The following CTNNA2 variants were observed in gnomAD, a reference collection of about 807,000 sequenced individuals.
The protein encoded by CTNNA2 is catenin alpha 2.
A neutral mutation model predicts 101.0 loss-of-function variants in CTNNA2; 42 were observed. The observed-to-expected ratio is 0.42, with a 90% confidence interval of 0.32 to 0.54. The LOEUF (loss-of-function observed/expected upper bound fraction) is 0.54. CTNNA2 is among the 20% of genes least tolerant of loss of function. CTNNA2 has a pLI of 0.14. For synonymous variants in CTNNA2, 450 were observed against 456.4 expected (o/e 0.99, Z 0.18); for missense variants, 871 against 1,223.1 (o/e 0.71, Z 4.29).
intron 4 of CTNNA2, among the ~76,000 whole-genome samples, chr2:79,456,150 ATTAT>A (rs1443586253): frequency 6.6e-6 from 1 of 150,778 alleles, no homozygotes; most frequent in Non-Finnish European, 1.5e-5. Flanking sequence ...TATAATTTAA[ATTAT>A]TTAATAATTT....
At chr2:80,234,669 T>C (rs977964476) in intron 7 of CTNNA2, among the ~76,000 whole-genome samples, 2 of 152,154 alleles carry the variant, frequency 1.3e-5, no homozygotes, top group Non-Finnish European at 2.9e-5. Flanking sequence ...TGGAGGATAC[T>C]GCTGCAGTTG....
At chr2:79,317,258 C>T (rs532853616) in intron 3 of CTNNA2, among the ~76,000 whole-genome samples, 52 of 152,010 alleles carry the variant, frequency 3.4e-4, no homozygotes, top group Non-Finnish European at 4.4e-4. Context: ...GGGATAAATC[C>T]GACTTGATTA....
intron 7 of CTNNA2, among the ~76,000 whole-genome samples, chr2:80,037,466 A>G (rs1695744686): frequency 6.6e-6 from 1 of 152,222 alleles, no homozygotes; most frequent in African/African-American, 2.4e-5. Flanking sequence ...AAGGCAAGTG[A>G]TCCTTCTTTT....
At chr2:79,482,662 G>T (rs2104557464) in intron 4 of CTNNA2, among the ~76,000 whole-genome samples, 1 of 152,150 alleles carries the variant, frequency 6.6e-6, no homozygotes, top group Non-Finnish European at 1.5e-5. Flanking sequence ...ATTTTAAAAA[G>T]AATTTAGGTA....
Position 80,313,540 on chromosome 2 carries a change from G to A in CTNNA2, c.1057-79671G>A, listed in dbSNP as rs758659455. 14 of 1,608,672 alleles carry A rather than the reference G, an allele frequency of 8.7e-6. 1 individual carries two copies. In the Admixed American group the frequency reaches 2.2e-4, roughly 25 times the overall value. On this transcript the variant is annotated intron_variant, in intron 7 of 18. Transcript: ENST00000402739. ...AGCTAATTGAGCAAGACCAGGTAGAGGAAGGAAGACGAATTGACCAGATGG... is the reference window on the plus strand; with the variant it reads ...AGCTAATTGAGCAAGACCAGGTAGAAGAAGGAAGACGAATTGACCAGATGG...
chr2:79,812,513 T>C (rs1677126370), intron 3 of CTNNA2, among the ~76,000 whole-genome samples: 1 of 152,132 alleles, frequency 6.6e-6, no homozygotes, highest in South Asian at 2.1e-4. Context: ...TAAAAGGAAA[T>C]GTAAAAAATG....
intron 2 of CTNNA2, among the ~76,000 whole-genome samples, chr2:79,655,403 G>A (rs922907855): frequency 1.3e-5 from 2 of 152,182 alleles, no homozygotes; most frequent in African/African-American, 4.8e-5. Context: ...TTTATGAGAA[G>A]GATGTAAGTG....
intron 3 of CTNNA2, among the ~76,000 whole-genome samples, chr2:79,832,871 C>T (rs749136862): frequency 2.0e-5 from 3 of 152,176 alleles, no homozygotes; most frequent in Non-Finnish European, 4.4e-5. Flanking sequence ...TCTCCTTCGA[C>T]CATTGTGTTT....
At chr2:80,635,925 G>C (rs1234155593) in intron 18 of CTNNA2, among the ~76,000 whole-genome samples, 1 of 150,482 alleles carries the variant, frequency 6.6e-6, no homozygotes, top group Admixed American at 6.6e-5. Flanking sequence ...TTCTAGAAAG[G>C]GCTTAGAGTA....
intron 7 of CTNNA2, among the ~76,000 whole-genome samples, chr2:80,040,737 G>T (rs3849388): frequency 0.52 from 78,617 of 152,052 alleles, 21,902 homozygotes; most frequent in African/African-American, 0.71. Flanking sequence ...CTTTTCCCTA[G>T]GCTACGAAGA....
At chr2:79,835,835 G>A (rs923533976) in intron 3 of CTNNA2, among the ~76,000 whole-genome samples, 15 of 151,762 alleles carry the variant, frequency 9.9e-5, no homozygotes, top group African/African-American at 3.6e-4. Context: ...GTTTCACCAT[G>A]TTGGCCAGGA....
At chr2:79,470,308 G>C (rs997369572) in intron 4 of CTNNA2, among the ~76,000 whole-genome samples, 4 of 152,198 alleles carry the variant, frequency 2.6e-5, no homozygotes, top group East Asian at 3.9e-4. Context: ...TTTAAGTCCA[G>C]CCTGGGTAAG....
At chr2:80,254,849 T>A (rs1305187323) in intron 7 of CTNNA2, among the ~76,000 whole-genome samples, 1 of 152,160 alleles carries the variant, frequency 6.6e-6, no homozygotes, top group Non-Finnish European at 1.5e-5. Flanking sequence ...CTGGCCAAGA[T>A]CACACAGTGA....
At chr2:79,625,533 A>G (rs1448651344) in intron 1 of CTNNA2, among the ~76,000 whole-genome samples, 1 of 152,214 alleles carries the variant, frequency 6.6e-6, no homozygotes. Flanking sequence ...TATGCCTCGC[A>G]TGCAGATAAA....
At chr2:79,836,428 T>C (rs1428410317) in intron 3 of CTNNA2, among the ~76,000 whole-genome samples, 2 of 152,222 alleles carry the variant, frequency 1.3e-5, no homozygotes, top group African/African-American at 4.8e-5. Context: ...TTCAAATGTT[T>C]TATTTAGATG....
At position 79,293,499 on chromosome 2, in the gene CTNNA2, A is replaced by G. The variant is rs545907108; in HGVS notation, c.-405-19210A>G. On this transcript the variant is annotated intron_variant, in intron 2 of 21. Coordinates refer to the CTNNA2 transcript ENST00000466387. ...CTAAAAGGAAAAGCAATATAAGGCAAATATAGTGCAAATCAAATAAGTACA... is the reference window on the plus strand; with the variant it reads ...CTAAAAGGAAAAGCAATATAAGGCAGATATAGTGCAAATCAAATAAGTACA... 5.5e-4 allele frequency among the ~76,000 whole-genome samples: 84 copies of G among 152,310 alleles called. 1 individual carries two copies. The highest frequency in any genetic ancestry group is 1.9e-3 in the African/African-American group (80 of 41,560).
rs116518863 is a variant in CTNNA2 at position 79,763,129 on chromosome 2, T to A, written c.298+18547T>A. 2.6e-3 allele frequency among the ~76,000 whole-genome samples: 390 copies of A among 152,336 alleles called. 1 individual carries two copies. Among genetic ancestry groups the A allele is most frequent in the African/African-American group, 9.1e-3 (377 of 41,576 alleles). On this transcript the variant is annotated intron_variant, in intron 3 of 18. Transcript: ENST00000402739. Reference sequence around the variant, plus strand: ...TGGGAGTAATAATTTGGCTCTCCCCTTTTATCTTTCCTTGTTAATGAAGTC... The same window carrying A: ...TGGGAGTAATAATTTGGCTCTCCCCATTTATCTTTCCTTGTTAATGAAGTC...
intron 4 of CTNNA2, among the ~76,000 whole-genome samples, chr2:79,860,866 G>A (rs1336480195): frequency 2.0e-5 from 3 of 152,136 alleles, no homozygotes; most frequent in Non-Finnish European, 2.9e-5. Context: ...CTCAGTAGTA[G>A]GGAGTATATC....
intron 3 of CTNNA2, among the ~76,000 whole-genome samples, chr2:79,351,782 C>G (rs1395197696): frequency 6.6e-6 from 1 of 152,152 alleles, no homozygotes; most frequent in Non-Finnish European, 1.5e-5. Flanking sequence ...CTTTTTGTGG[C>G]TGTGTAGTAT....
Sources: gnomAD v4.1 joint callset for allele counts (sites outside exome capture counted in the v4.1 genomes callset) on GRCh38, gnomAD v4.1.1 for gene constraint, MANE v1.5 for transcripts, NCBI Gene and HGNC (gene_info 2026-07-23, HGNC 2026-07-21) for gene names.